Variants in KIAA0232 observed in about 807,000 individuals in gnomAD.
KIAA0232 encodes uncharacterized protein KIAA0232.
KIAA0232 carries 27 observed loss-of-function variants against 122.0 expected under a neutral mutation model. The ratio of observed to expected loss-of-function variants is 0.22; its 90% CI spans 0.16 to 0.31. KIAA0232 has a LOEUF of 0.31. Among genes scored for constraint, KIAA0232 ranks in the 10% least tolerant of loss-of-function variants. The pLI, the probability that KIAA0232 is intolerant of heterozygous loss-of-function variation, is 1.00. For missense variants in KIAA0232, 1,551 were observed against 1,634.2 expected (o/e 0.95, Z 0.88); for synonymous variants, 613 against 587.6 (o/e 1.04, Z -0.63).
rs1224431572 is a variant in KIAA0232 at position 6,862,763 on chromosome 4, T to A, written c.2381T>A (p.Ile794Asn). The A allele has an allele frequency of 5.6e-6, 9 of 1,613,962 alleles. No homozygotes were observed. The highest frequency in any genetic ancestry group is 7.6e-6 in the Non-Finnish European group (9 of 1,179,978). Residue 794 changes from isoleucine to asparagine, a missense_variant, in exon 7 of 10, where the codon ATT becomes AAT. This residue lies in a region of KIAA0232 where 1,108 missense variants were observed against 1,154.8 expected (regional missense o/e 0.96). Coordinates refer to ENST00000307659, the MANE Select transcript of KIAA0232 (RefSeq NM_014743.3). ...TCTAAACTAGAATCCGTCTGTGGTA[T>A]TCAGCTAGAACAAAAAACAGAAAAC... ...KTSKLESVCG[I>N]QLEQKTENKN...
intron 3 of KIAA0232, among the ~76,000 whole-genome samples, chr4:6,840,414 G>A (rs1260937042): frequency 2.0e-5 from 3 of 152,182 alleles, no homozygotes; most frequent in Non-Finnish European, 4.4e-5. Context: ...GGCACTGTGA[G>A]GCAGGGGCGT....
chr4:6,819,108 C>A (rs893418358), intron 2 of KIAA0232, among the ~76,000 whole-genome samples: 9 of 151,828 alleles, frequency 5.9e-5, no homozygotes, highest in African/African-American at 9.7e-5. Flanking sequence ...AAATGTAAGA[C>A]CTCAAACTAT....
At chr4:6,871,817 A>C (rs1721506259) in intron 8 of KIAA0232, 135 bp downstream of exon 8, 1 of 617,582 alleles carries the variant, frequency 1.6e-6, no homozygotes. Flanking sequence ...TTTGTCATGC[A>C]CTGGGGACAC....
chr4:6,866,079 A>AAC (rs1215307281), intron 7 of KIAA0232: 1 of 249,734 alleles, frequency 4.0e-6, no homozygotes. Flanking sequence ...ATCCCATTGA[A>AAC]ACACTGCTAA....
intron 1 of KIAA0232, among the ~76,000 whole-genome samples, chr4:6,784,937 ATTTT>A (rs10563839): frequency 7.4e-6 from 1 of 135,518 alleles, no homozygotes. Context: ...GATCAGATGA[ATTTT>A]TTTTTTTTTT....
chr4:6,796,846 A>T (rs1417598652), intron 1 of KIAA0232, among the ~76,000 whole-genome samples: 1 of 152,134 alleles, frequency 6.6e-6, no homozygotes, highest in Non-Finnish European at 1.5e-5. Flanking sequence ...AGCTACCGTG[A>T]TGGGAGGGCT....
chr4:6,832,178 T>C (rs1008444643), intron 3 of KIAA0232, among the ~76,000 whole-genome samples: 4 of 152,194 alleles, frequency 2.6e-5, no homozygotes, highest in African/African-American at 9.6e-5. Flanking sequence ...ATATTTTGTC[T>C]TATCCTCAGT....
chr4:6,865,036 C>T (rs1721097693), intron 7 of KIAA0232, among the ~76,000 whole-genome samples: 1 of 152,128 alleles, frequency 6.6e-6, no homozygotes, highest in Admixed American at 6.5e-5. Flanking sequence ...TTGCTTTATA[C>T]AAAGTACATA....
intron 4 of KIAA0232, among the ~76,000 whole-genome samples, chr4:6,846,593 C>T (rs1719979570): frequency 6.6e-6 from 1 of 151,888 alleles, no homozygotes; most frequent in Admixed American, 6.6e-5. Context: ...CGAAACCAGT[C>T]CCTGGTGCCA....
chr4:6,875,513 G>A (rs759919161), intron 8 of KIAA0232, among the ~76,000 whole-genome samples: 6 of 152,200 alleles, frequency 3.9e-5, no homozygotes, highest in African/African-American at 7.2e-5. Flanking sequence ...GCAGCTGCAG[G>A]AAGCAGCCCA....
At chr4:6,786,743 A>T (rs1326833949) in intron 1 of KIAA0232, among the ~76,000 whole-genome samples, 1 of 152,228 alleles carries the variant, frequency 6.6e-6, no homozygotes, top group African/African-American at 2.4e-5. Flanking sequence ...CATAAGTGGT[A>T]TTTTATACAA....
chr4:6,837,158 C>A (rs555397262), intron 3 of KIAA0232, among the ~76,000 whole-genome samples: 1 of 150,886 alleles, frequency 6.6e-6, no homozygotes, highest in Non-Finnish European at 1.5e-5. Context: ...CCGAACGGGC[C>A]GGCTGGCGGG....
chr4:6,834,823 A>G (rs543175421), intron 3 of KIAA0232, among the ~76,000 whole-genome samples: 1 of 152,198 alleles, frequency 6.6e-6, no homozygotes, highest in Non-Finnish European at 1.5e-5. Flanking sequence ...TCACTGTAAA[A>G]GTTATAATGG....
chr4:6,805,780 T>C (rs2108946408), intron 2 of KIAA0232, among the ~76,000 whole-genome samples: 1 of 152,330 alleles, frequency 6.6e-6, no homozygotes, highest in East Asian at 1.9e-4. Flanking sequence ...TTTCAAAAAG[T>C]GTAAAAATTA....
At chr4:6,840,245 A>C (rs1247085401) in intron 3 of KIAA0232, among the ~76,000 whole-genome samples, 1 of 152,140 alleles carries the variant, frequency 6.6e-6, no homozygotes, top group Non-Finnish European at 1.5e-5. Flanking sequence ...ATATTCTCAC[A>C]CACTGTCCAG....
chr4:6,838,017 T>A (rs1299633230), intron 3 of KIAA0232, among the ~76,000 whole-genome samples: 1 of 152,178 alleles, frequency 6.6e-6, no homozygotes, highest in African/African-American at 2.4e-5. Context: ...ATTAGCCCTT[T>A]GTCAGATGGA....
At chr4:6,813,664 G>A (rs1333116666) in intron 2 of KIAA0232, among the ~76,000 whole-genome samples, 1 of 152,054 alleles carries the variant, frequency 6.6e-6, no homozygotes, top group East Asian at 1.9e-4. Context: ...GCCTGGCCAG[G>A]TCTGTTGTTT....
intron 3 of KIAA0232, among the ~76,000 whole-genome samples, chr4:6,825,197 G>A (rs562229103): frequency 1.3e-5 from 2 of 152,250 alleles, no homozygotes; most frequent in African/African-American, 4.8e-5. Flanking sequence ...TATAAGTCAG[G>A]ATGTGTCACC....
chr4:6,823,981 C>T (rs1319198619), intron 2 of KIAA0232, among the ~76,000 whole-genome samples: 2 of 152,128 alleles, frequency 1.3e-5, no homozygotes, highest in Non-Finnish European at 2.9e-5. Context: ...TTCCAACTTG[C>T]TGGTACACAG....
Sources: gnomAD v4.1 joint callset for allele counts (sites outside exome capture counted in the v4.1 genomes callset) on GRCh38, gnomAD v4.1.1 for gene constraint, gnomAD v4.1.1 regional missense constraint, MANE v1.5 for transcripts, NCBI Gene and HGNC (gene_info 2026-07-23, HGNC 2026-07-21) for gene names.